The following ATP11A variants were observed in gnomAD, a reference collection of about 807,000 sequenced individuals.
ATP11A encodes the protein phospholipid-transporting ATPase IH.
In ATP11A, 81 loss-of-function variants were observed where a neutral mutation model predicts 154.4. The ratio of observed to expected loss-of-function variants is 0.52; its 90% CI spans 0.44 to 0.63. The LOEUF is 0.63. Among genes scored for constraint, ATP11A ranks in the 30% least tolerant of loss-of-function variants. The pLI is 0.00. For missense variants in ATP11A, 1,316 were observed against 1,474.3 expected (o/e 0.89, Z 1.76); for synonymous variants, 623 against 585.9 (o/e 1.06, Z -0.91).
intron 2 of ATP11A, among the ~76,000 whole-genome samples, chr13:112,800,973 A>T (rs1178784764): frequency 6.6e-6 from 1 of 152,174 alleles, no homozygotes; most frequent in Non-Finnish European, 1.5e-5. Context: ...CAAACTAAAA[A>T]CAGAGGGGAA....
chr13:112,858,364 C>G, intron 22 of ATP11A, 74 bp downstream of exon 22: 1 of 1,448,828 alleles, frequency 6.9e-7, no homozygotes, highest in Non-Finnish European at 9.3e-7. Flanking sequence ...CTTGTCTGAG[C>G]CACTTGATGC....
intron 1 of ATP11A, among the ~76,000 whole-genome samples, chr13:112,711,642 C>T (rs948675985): frequency 6.6e-6 from 1 of 152,188 alleles, no homozygotes; most frequent in African/African-American, 2.4e-5. Context: ...CAGCGGGCAC[C>T]GTGCGTTGAG....
At chr13:112,726,155 G>T (rs1426328215) in intron 1 of ATP11A, among the ~76,000 whole-genome samples, 1 of 152,290 alleles carries the variant, frequency 6.6e-6, no homozygotes, top group East Asian at 1.9e-4. Context: ...CGGCGTGCGT[G>T]CAGGGAGAGG....
Position 112,785,167 on chromosome 13 carries a change from GA to G in ATP11A, c.73del (p.Thr25ProfsTer48). 1 of 1,571,420 alleles carries G rather than the reference GA, an allele frequency of 6.4e-7. No individual in the cohort carries two copies. Among genetic ancestry groups the G allele is most frequent in the Admixed American group, 1.9e-5 (1 of 53,318 alleles). ...GAGAAGAGAATTGGGTGGACAGCAG[GA>G]CCATCTACGTGGGACACAGGGAGCC... is the stretch of plus-strand genomic sequence containing the variant. ...AGEENWVDSR[T>X]IYVGHREPPP... is the part of the protein sequence containing the mutation. On this transcript the variant is annotated frameshift_variant, in exon 2 of 30. Coordinates refer to ENST00000375645, the MANE Select transcript of ATP11A (RefSeq NM_015205.3). LOFTEE classifies it high-confidence loss of function. This position sits in a 1 kb window ranked among gnomAD's most constrained non-coding sequence, Gnocchi z 4.8.
chr13:112,792,738 C>T (rs1013228599), intron 2 of ATP11A, among the ~76,000 whole-genome samples: 5 of 152,154 alleles, frequency 3.3e-5, no homozygotes, highest in African/African-American at 9.7e-5. Context: ...GTGCAGAGCT[C>T]CCCCAGGCCT....
At chr13:112,786,747 T>C (rs1566479609) in intron 2 of ATP11A, among the ~76,000 whole-genome samples, 1 of 152,282 alleles carries the variant, frequency 6.6e-6, no homozygotes, top group Non-Finnish European at 1.5e-5. Flanking sequence ...GTGGACGGGC[T>C]GCACATGGGG....
chr13:112,792,665 C>A (rs2140083034), intron 2 of ATP11A, among the ~76,000 whole-genome samples: 1 of 151,334 alleles, frequency 6.6e-6, no homozygotes, highest in Admixed American at 6.5e-5. Flanking sequence ...GGGGGAGAGA[C>A]TTTGGGCAGT....
At chr13:112,860,071 G>A (rs1448347367) in intron 23 of ATP11A, among the ~76,000 whole-genome samples, 1 of 150,700 alleles carries the variant, frequency 6.6e-6, no homozygotes, top group Non-Finnish European at 1.5e-5. Flanking sequence ...AGTTTGTGCT[G>A]ATAGAATGGG....
intron 25 of ATP11A, among the ~76,000 whole-genome samples, chr13:112,863,469 A>G (rs1370379133): frequency 6.7e-6 from 1 of 148,732 alleles, no homozygotes; most frequent in Non-Finnish European, 1.5e-5. Context: ...CTGCGCAGTA[A>G]TTCAGTGCAG....
At chr13:112,777,377 A>G (rs2077374035) in intron 1 of ATP11A, among the ~76,000 whole-genome samples, 1 of 152,242 alleles carries the variant, frequency 6.6e-6, no homozygotes, top group African/African-American at 2.4e-5. Context: ...CAGCCTGGCC[A>G]ACACGGTGAA....
rs112079556 is a variant in ATP11A, at chr13:112,811,053, C to CTT, written c.441+340_441+341dup. ...GGGTGTAGGCCCAAGCTCCCTACTT[C>CTT]TTTTTTTTTTTTTTACCTTTAATTT... On this transcript the variant is annotated intron_variant, in intron 5 of 29. Transcript: ENST00000375645. 4.3e-5 allele frequency among the ~76,000 whole-genome samples: 6 copies of CTT among 139,598 alleles called. No homozygotes were observed. In the South Asian group the frequency reaches 1.1e-3, roughly 27 times the overall value. The allele number at this position is 139,598 out of a possible 152,430, so 91.6% of individuals were successfully genotyped here.
intron 1 of ATP11A, among the ~76,000 whole-genome samples, chr13:112,741,807 G>T (rs901945785): frequency 5.3e-5 from 8 of 152,098 alleles, no homozygotes; most frequent in African/African-American, 1.9e-4. Flanking sequence ...CGGGTATTTT[G>T]AGCCTCACAG....
chr13:112,713,450 C>T (rs1295327902), intron 1 of ATP11A, among the ~76,000 whole-genome samples: 9 of 152,098 alleles, frequency 5.9e-5, no homozygotes, highest in African/African-American at 1.9e-4. Context: ...AATCATGAAA[C>T]GAAGTGACTT....
chr13:112,874,350 C>T (rs1247519998), intron 27 of ATP11A, among the ~76,000 whole-genome samples: 3 of 152,222 alleles, frequency 2.0e-5, no homozygotes, highest in East Asian at 1.9e-4. Context: ...TGGCTCGAGG[C>T]TGTCGTGGTC....
At chr13:112,735,833 G>A (rs1352478712) in intron 1 of ATP11A, among the ~76,000 whole-genome samples, 1 of 152,198 alleles carries the variant, frequency 6.6e-6, no homozygotes, top group African/African-American at 2.4e-5. Flanking sequence ...TTCAGCAGTC[G>A]CTAAGTTGGG....
At chr13:112,722,318 G>T (rs1331752710) in intron 1 of ATP11A, among the ~76,000 whole-genome samples, 2 of 149,704 alleles carry the variant, frequency 1.3e-5, no homozygotes, top group African/African-American at 2.4e-5. Flanking sequence ...GGAGAGGGGG[G>T]CGGCCAGGGG....
rs564969941 is a variant in ATP11A at position 112,690,587 on chromosome 13, C to T, written c.39+132C>T. On this transcript the variant is annotated intron_variant, in intron 1 of 29. Transcript: ENST00000375645. This position sits in a 1 kb window ranked among gnomAD's most constrained non-coding sequence, Gnocchi z 5.6. The stretch of plus-strand genomic sequence containing the variant: ...TCCGATGTCTGGGACTCGGACCGCC[C>T]CCGGGGACGAGCGGGATGCTGGGGA... The T allele has an allele frequency of 1.7e-3, 1,500 of 858,716 alleles. 10 individuals are homozygous for T. The African/African-American group carries it at 0.024, about 14-fold the overall frequency. 53.2% of individuals were successfully genotyped at this position (858,716 alleles called of 1,614,324 possible).
In ATP11A at chr13:112,859,894, C is replaced by T. The variant is rs2080051548; in HGVS notation, c.2728-393C>T. ...CGGGAGGGGTGAAGGACTCCCCGGGCATCTGCCCTAGATGGACACCTCCTT... is the reference window on the plus strand; with the variant it reads ...CGGGAGGGGTGAAGGACTCCCCGGGTATCTGCCCTAGATGGACACCTCCTT... On this transcript the variant is annotated intron_variant, in intron 23 of 29. Transcript: ENST00000375645. The surrounding 1 kb of genome is among the most constrained non-coding windows in gnomAD (Gnocchi z 4.3). 6.6e-6 allele frequency among the ~76,000 whole-genome samples: 1 copy of T among 152,238 alleles called. No individual in the cohort carries two copies. Among genetic ancestry groups the T allele is most frequent in the South Asian group, 2.1e-4 (1 of 4,828 alleles).
chr13:112,777,774 G>A (rs2077383479), intron 1 of ATP11A, among the ~76,000 whole-genome samples: 1 of 152,222 alleles, frequency 6.6e-6, no homozygotes, highest in Non-Finnish European at 1.5e-5. Context: ...CAGGTCCTGA[G>A]CACACATATC....
Sources: allele counts gnomAD v4.1 joint callset (sites outside exome capture counted in the v4.1 genomes callset), GRCh38; gene constraint gnomAD v4.1.1; non-coding constraint Gnocchi (gnomAD v3.1); transcripts MANE v1.5; gene names NCBI Gene and HGNC (gene_info 2026-07-23, HGNC 2026-07-21).